GPR158: variants seen among roughly 807,000 people sequenced by gnomAD.
GPR158 encodes metabotropic glycine receptor.
Under a neutral mutation model 78.2 loss-of-function variants are expected in GPR158, and 30 were observed. The observed-to-expected ratio is 0.38, with a 90% CI of 0.29 to 0.52. The LOEUF is 0.52. Ranked by LOEUF, GPR158 falls within the 20% of genes least tolerant of loss-of-function variation. The probability of loss-of-function intolerance (pLI) is 0.83; values close to 1 mark genes in which losing one functional copy is unlikely to be tolerated. For missense variants in GPR158, 1,463 were observed against 1,523.5 expected, an observed-to-expected ratio of 0.96 and a Z score of 0.66; for synonymous variants, 581 against 591.1, an observed-to-expected ratio of 0.98 and a Z score of 0.25.
rs1854431511 is a variant in GPR158 at position 25,291,216 on chromosome 10, C to T, written c.1008+70059C>T. Among the ~76,000 whole-genome samples, 3 of 151,356 alleles carry T rather than the reference C, an allele frequency of 2.0e-5. No homozygotes were observed. In the South Asian group the frequency reaches 6.3e-4, roughly 32 times the overall value. On this transcript the variant is annotated intron_variant, in intron 2 of 10. Coordinates refer to ENST00000376351, the MANE Select transcript of GPR158 (RefSeq NM_020752.3). The stretch of plus-strand genomic sequence containing the variant: ...AAAACCAATAGGAAAAGAAAGAATT[C>T]AGGAGAAAGAAAGGGAAGGGCAGGA...
intron 1 of GPR158, among the ~76,000 whole-genome samples, chr10:25,214,849 C>T (rs1853184609): frequency 6.6e-6 from 1 of 152,022 alleles, no homozygotes; most frequent in Non-Finnish European, 1.5e-5. Flanking sequence ...AGCAACTCTG[C>T]TGACTCCTTT....
intron 5 of GPR158, among the ~76,000 whole-genome samples, chr10:25,513,819 G>T (rs1836121739): frequency 6.6e-6 from 1 of 152,052 alleles, no homozygotes; most frequent in Non-Finnish European, 1.5e-5. Flanking sequence ...CTATGTATTT[G>T]CATGGCTTTG....
chr10:25,499,114 G>A (rs1835920660), intron 5 of GPR158, among the ~76,000 whole-genome samples: 1 of 152,168 alleles, frequency 6.6e-6, no homozygotes, highest in Non-Finnish European at 1.5e-5. Context: ...TGTCATAGCA[G>A]CAAGCTGATA....
chr10:25,237,979 T>G (rs1454661159), intron 2 of GPR158, among the ~76,000 whole-genome samples: 1 of 152,098 alleles, frequency 6.6e-6, no homozygotes. Flanking sequence ...TTCACTTACT[T>G]CACTGTCTCT....
chr10:25,391,281 G>A (rs915777803), intron 2 of GPR158, among the ~76,000 whole-genome samples: 1 of 152,118 alleles, frequency 6.6e-6, no homozygotes, highest in Non-Finnish European at 1.5e-5. Context: ...TGTGAGAAGA[G>A]GACCACCATC....
intron 2 of GPR158, among the ~76,000 whole-genome samples, chr10:25,256,814 A>G (rs1201565255): frequency 3.3e-5 from 5 of 152,254 alleles, no homozygotes; most frequent in African/African-American, 1.2e-4. Flanking sequence ...AACAAAGCCG[A>G]TAACATTAGT....
At chr10:25,422,632 A>C (rs1438403338) in intron 4 of GPR158, among the ~76,000 whole-genome samples, 4 of 151,358 alleles carry the variant, frequency 2.6e-5, no homozygotes, top group Non-Finnish European at 2.9e-5. Context: ...TATTTGCAAA[A>C]AAAAAAAAAT....
intron 4 of GPR158, among the ~76,000 whole-genome samples, chr10:25,460,999 G>A (rs1374808146): frequency 2.0e-5 from 3 of 152,068 alleles, no homozygotes; most frequent in Admixed American, 6.5e-5. Flanking sequence ...CACATAAGAC[G>A]GTGAACTTAA....
intron 2 of GPR158, among the ~76,000 whole-genome samples, chr10:25,233,349 A>G (rs940501629): frequency 2.0e-5 from 3 of 152,044 alleles, no homozygotes; most frequent in Non-Finnish European, 4.4e-5. Context: ...GCTTGTCAGT[A>G]CAGTCTTTGT....
chr10:25,523,952 A>G (rs1429033162), intron 5 of GPR158, among the ~76,000 whole-genome samples: 1 of 152,226 alleles, frequency 6.6e-6, no homozygotes, highest in Admixed American at 6.5e-5. Flanking sequence ...CACAAAAAAA[A>G]GATCTTTAGA....
Position 25,368,464 on chromosome 10 carries a change from G to A in GPR158, c.1009-27447G>A, listed in dbSNP as rs191059405. On this transcript the variant is annotated intron_variant, in intron 2 of 10. Transcript: ENST00000376351. ...CTTTTCAAAAGAAGACATACATATGGCCAATGATCATATGGAAAAAATCTC... is the reference window on the plus strand; with the variant it reads ...CTTTTCAAAAGAAGACATACATATGACCAATGATCATATGGAAAAAATCTC... 2.8e-3 allele frequency among the ~76,000 whole-genome samples: 420 copies of A among 151,888 alleles called. 1 individual carries two copies. The highest frequency in any genetic ancestry group is 4.2e-3 in the Admixed American group (64 of 15,216).
At chr10:25,202,438 G>C (rs572698731) in intron 1 of GPR158, among the ~76,000 whole-genome samples, 1 of 152,192 alleles carries the variant, frequency 6.6e-6, no homozygotes, top group African/African-American at 2.4e-5. Flanking sequence ...GGTGTGTGAT[G>C]TTCCCCTTCC....
intron 1 of GPR158, among the ~76,000 whole-genome samples, chr10:25,199,697 C>T (rs1055327901): frequency 4.6e-5 from 7 of 152,050 alleles, no homozygotes; most frequent in Admixed American, 2.0e-4. Context: ...CTCTCTTGCC[C>T]CCATGGAAGA....
intron 2 of GPR158, among the ~76,000 whole-genome samples, chr10:25,252,849 G>A (rs28782274): frequency 6.6e-6 from 1 of 152,046 alleles, no homozygotes; most frequent in East Asian, 1.9e-4. Context: ...CACCCAGTTC[G>A]AGCTTCCTGG....
At chr10:25,199,086 T>C (rs1378518348) in intron 1 of GPR158, among the ~76,000 whole-genome samples, 3 of 151,612 alleles carry the variant, frequency 2.0e-5, no homozygotes, top group African/African-American at 7.3e-5. Context: ...CATGCTTGGT[T>C]GAATAGATGG....
intron 5 of GPR158, among the ~76,000 whole-genome samples, chr10:25,548,396 G>A (rs1276528541): frequency 6.6e-6 from 1 of 152,052 alleles, no homozygotes; most frequent in Admixed American, 6.6e-5. Context: ...CAGTGAGAAT[G>A]GTAACTTTTA....
intron 4 of GPR158, among the ~76,000 whole-genome samples, chr10:25,459,530 G>A (rs1472132275): frequency 6.6e-6 from 1 of 152,162 alleles, no homozygotes; most frequent in Non-Finnish European, 1.5e-5. Context: ...TTAGCAAGAT[G>A]TACATTAATT....
intron 4 of GPR158, among the ~76,000 whole-genome samples, chr10:25,430,575 C>T (rs1419100345): frequency 6.6e-6 from 1 of 150,906 alleles, no homozygotes; most frequent in Non-Finnish European, 1.5e-5. Context: ...GCCAAAAGAA[C>T]AAAGCTGGAG....
chr10:25,539,507 T>A (rs1429343702), intron 5 of GPR158, among the ~76,000 whole-genome samples: 1 of 148,398 alleles, frequency 6.7e-6, no homozygotes, highest in Admixed American at 6.9e-5. Flanking sequence ...TTTTTAGACC[T>A]GTAACCCCTT....
Sources: allele counts gnomAD v4.1 joint callset (sites outside exome capture counted in the v4.1 genomes callset), GRCh38; gene constraint gnomAD v4.1.1; transcripts MANE v1.5; gene names NCBI Gene and HGNC (gene_info 2026-07-23, HGNC 2026-07-21).